ATRNL1: variants seen among roughly 807,000 people sequenced by gnomAD.
ATRNL1 encodes attractin-like protein 1.
In ATRNL1, 95 loss-of-function variants were observed where a neutral mutation model predicts 182.7. The ratio of observed to expected loss-of-function variants is 0.52; its 90% CI spans 0.44 to 0.62. The LOEUF is 0.62. Among genes scored for constraint, ATRNL1 ranks in the 20% least tolerant of loss-of-function variants. The probability of loss-of-function intolerance (pLI) is 0.00; values close to 1 mark genes in which losing one functional copy is unlikely to be tolerated. For synonymous variants in ATRNL1, 576 were observed against 568.3 expected, an observed-to-expected ratio of 1.01 and a Z score of -0.19; for missense variants, 1,471 against 1,679.5, an observed-to-expected ratio of 0.88 and a Z score of 2.17.
At chr10:115,423,630 A>G (rs1430686636) in intron 20 of ATRNL1, among the ~76,000 whole-genome samples, 1 of 152,206 alleles carries the variant, frequency 6.6e-6, no homozygotes, top group Non-Finnish European at 1.5e-5. Context: ...AAATACACGC[A>G]TGTATACCAT....
At chr10:115,099,046 C>T (rs1253741184) in intron 1 of ATRNL1, among the ~76,000 whole-genome samples, 4 of 152,198 alleles carry the variant, frequency 2.6e-5, no homozygotes, top group Non-Finnish European at 5.9e-5. Flanking sequence ...ATACCAATCA[C>T]GCTAGAAAGT....
chr10:115,100,361 A>G (rs1368547672), intron 1 of ATRNL1, among the ~76,000 whole-genome samples: 4 of 151,730 alleles, frequency 2.6e-5, no homozygotes, highest in Admixed American at 6.6e-5. Flanking sequence ...GATTTTCTTC[A>G]TTTTTTTTCT....
intron 21 of ATRNL1, among the ~76,000 whole-genome samples, chr10:115,436,866 T>A (rs1554964892): frequency 2.0e-5 from 3 of 152,104 alleles, no homozygotes; most frequent in Non-Finnish European, 4.4e-5. Context: ...TATTGAAGCT[T>A]ATACACTACT....
At chr10:115,319,394 C>G (rs144593936) in intron 18 of ATRNL1, among the ~76,000 whole-genome samples, 1,961 of 152,264 alleles carry the variant, frequency 0.013, 35 homozygotes, top group African/African-American at 0.044. Context: ...TTGTAGAAGT[C>G]TATTAGGTCC....
At chr10:115,837,646 C>A (rs1357590350) in intron 27 of ATRNL1, among the ~76,000 whole-genome samples, 4 of 152,114 alleles carry the variant, frequency 2.6e-5, no homozygotes, top group African/African-American at 9.7e-5. Context: ...TGCCTCTGAG[C>A]TTTCTAACAC....
intron 26 of ATRNL1, among the ~76,000 whole-genome samples, chr10:115,669,959 C>T (rs535341432): frequency 1.3e-5 from 2 of 151,906 alleles, no homozygotes; most frequent in Non-Finnish European, 2.9e-5. Context: ...TTTCCCTTTT[C>T]TTTGATTTAG....
At chr10:115,230,870 TGAGAGAGAGAGAGAGAGAGAGAGA>T (rs1169884107) in intron 9 of ATRNL1, among the ~76,000 whole-genome samples, 122 of 83,736 alleles carry the variant, frequency 1.5e-3, no homozygotes, top group Middle Eastern at 7.9e-3. Context: ...ATAGAGTGGA[TGAGAGAGAGAGAGAGAGAGAGAGA>T]GAGAGAGAGA....
chr10:115,574,280 C>T, intron 26 of ATRNL1, among the ~76,000 whole-genome samples: 1 of 150,068 alleles, frequency 6.7e-6, no homozygotes, highest in East Asian at 2.0e-4. Context: ...ATGTATATAT[C>T]TATAACTATG....
chr10:115,100,382 T>C (rs1360819517), intron 1 of ATRNL1, among the ~76,000 whole-genome samples: 2 of 152,210 alleles, frequency 1.3e-5, no homozygotes, highest in African/African-American at 4.8e-5. Context: ...CTAGAAGTTT[T>C]GTAATTTTAG....
At chr10:115,545,145 G>C (rs1291038765) in intron 25 of ATRNL1, among the ~76,000 whole-genome samples, 1 of 147,668 alleles carries the variant, frequency 6.8e-6, no homozygotes, top group African/African-American at 2.5e-5. Flanking sequence ...TGAGGCAGGA[G>C]AATGGCGTGA....
chr10:115,925,720 C>G (rs1175172427), intron 28 of ATRNL1, among the ~76,000 whole-genome samples: 2 of 152,140 alleles, frequency 1.3e-5, no homozygotes, highest in Admixed American at 1.3e-4. Flanking sequence ...GCTAACTATT[C>G]TAAGTATACA....
intron 24 of ATRNL1, among the ~76,000 whole-genome samples, chr10:115,518,016 G>C (rs1268922820): frequency 6.6e-6 from 1 of 151,838 alleles, no homozygotes; most frequent in Non-Finnish European, 1.5e-5. Flanking sequence ...TGTAGGAAAT[G>C]AATATTACTA....
chr10:115,093,792 A>T lies in ATRNL1; in HGVS notation c.42A>T (p.Pro14=), dbSNP rs1554862277. The change falls in exon 1 of 29, where the codon CCA becomes CCT. Residue 14 remains proline, a synonymous_variant. Coordinates refer to ENST00000355044, the MANE Select transcript of ATRNL1 (RefSeq NM_207303.4). The surrounding 1 kb of genome is among the most constrained non-coding windows in gnomAD (Gnocchi z 6.1). ...GGRARTGTPQ[P]AAPGVWRARP... ...GGGCCCGCACTGGTACCCCGCAGCC[A>T]GCGGCCCCGGGGGTGTGGAGGGCTC... 3 of 1,432,704 alleles carry T rather than the reference A, an allele frequency of 2.1e-6. No homozygotes were observed. The highest frequency in any genetic ancestry group is 3.0e-5 in the Admixed American group (1 of 32,828). 88.7% of individuals were successfully genotyped at this position (1,432,704 alleles called of 1,614,324 possible).
chr10:115,825,789 G>C (rs182117805), intron 27 of ATRNL1, among the ~76,000 whole-genome samples: 2 of 152,196 alleles, frequency 1.3e-5, no homozygotes, highest in East Asian at 3.9e-4. Flanking sequence ...AAGATTCCTG[G>C]CTCTAGCAGT....
intron 28 of ATRNL1, among the ~76,000 whole-genome samples, chr10:115,934,715 G>T (rs988554634): frequency 1.3e-5 from 2 of 152,158 alleles, no homozygotes; most frequent in African/African-American, 4.8e-5. Flanking sequence ...TACACTAGAG[G>T]TGTCTCTTTG....
intron 26 of ATRNL1, among the ~76,000 whole-genome samples, chr10:115,638,151 C>A (rs1452746110): frequency 6.6e-6 from 1 of 152,044 alleles, no homozygotes; most frequent in Admixed American, 6.6e-5. Flanking sequence ...ATAGGTATGA[C>A]ATTTTAAATC....
At chr10:115,098,877 A>G (rs2085088315) in intron 1 of ATRNL1, among the ~76,000 whole-genome samples, 1 of 152,218 alleles carries the variant, frequency 6.6e-6, no homozygotes. Flanking sequence ...GTGTTTAATT[A>G]TAATTTTGAT....
At chr10:115,348,027 G>A (rs782792809) in intron 19 of ATRNL1, among the ~76,000 whole-genome samples, 1 of 152,292 alleles carries the variant, frequency 6.6e-6, no homozygotes, top group East Asian at 1.9e-4. Flanking sequence ...AGGCTGGAGT[G>A]CAGTGGTATG....
chr10:115,886,737 A>C (rs1555109905), intron 28 of ATRNL1, among the ~76,000 whole-genome samples: 1 of 152,200 alleles, frequency 6.6e-6, no homozygotes, highest in East Asian at 1.9e-4. Flanking sequence ...CAACAGTGAG[A>C]GTCTGTAAGA....
Sources: gnomAD v4.1 joint callset for allele counts (sites outside exome capture counted in the v4.1 genomes callset) on GRCh38, gnomAD v4.1.1 for gene constraint, Gnocchi (gnomAD v3.1) non-coding constraint, MANE v1.5 for transcripts, NCBI Gene and HGNC (gene_info 2026-07-23, HGNC 2026-07-21) for gene names.